SEC24B: variants seen among roughly 807,000 people sequenced by gnomAD.
The protein encoded by SEC24B is SEC24 homolog B, COPII component, also known as protein transport protein Sec24B.
In SEC24B, 45 loss-of-function variants were observed where a neutral mutation model predicts 142.8. The observed-to-expected ratio is 0.32, with a 90% CI of 0.25 to 0.40. SEC24B has a LOEUF of 0.40. SEC24B is among the 10% of genes least tolerant of loss of function. The pLI, the probability that SEC24B is intolerant of heterozygous loss-of-function variation, is 1.00. For missense variants in SEC24B, 1,409 were observed against 1,526.8 expected (o/e 0.92, Z 1.29); for synonymous variants, 574 against 568.2 (o/e 1.01, Z -0.15).
chr4:109,479,898 C>T (rs548602670), intron 3 of SEC24B, among the ~76,000 whole-genome samples: 4 of 148,414 alleles, frequency 2.7e-5, no homozygotes, highest in Non-Finnish European at 4.5e-5. Flanking sequence ...CTCAAATATT[C>T]GTTTTAATTG....
intron 6 of SEC24B, among the ~76,000 whole-genome samples, chr4:109,497,873 G>A (rs921129031): frequency 2.0e-5 from 3 of 152,206 alleles, no homozygotes; most frequent in Non-Finnish European, 4.4e-5. Flanking sequence ...AAGCTAGACA[G>A]TTTGCCACAG....
At chr4:109,521,363 A>C in intron 13 of SEC24B, 57 bp from the exon 14 acceptor site, 1 of 1,445,840 alleles carries the variant, frequency 6.9e-7, no homozygotes, top group Non-Finnish European at 9.7e-7. Flanking sequence ...AATGTTTTAA[A>C]ATAAGATTAT....
chr4:109,515,934 G>C (rs1722812799), intron 10 of SEC24B, among the ~76,000 whole-genome samples: 1 of 150,544 alleles, frequency 6.6e-6, no homozygotes, highest in Non-Finnish European at 1.5e-5. Context: ...TGTAGTCCCA[G>C]CTACTCAGGA....
chr4:109,452,720 A>G (rs1158100081), intron 1 of SEC24B, among the ~76,000 whole-genome samples: 1 of 152,060 alleles, frequency 6.6e-6, no homozygotes, highest in East Asian at 1.9e-4. Context: ...TGTTTTACCA[A>G]TTTTTGGTTG....
At chr4:109,443,549 T>G (rs1438156160) in intron 1 of SEC24B, among the ~76,000 whole-genome samples, 1 of 152,140 alleles carries the variant, frequency 6.6e-6, no homozygotes, top group Non-Finnish European at 1.5e-5. Flanking sequence ...GCCTATAAAT[T>G]TAATTTACAA....
At chr4:109,486,430 T>C (rs1173270779) in intron 4 of SEC24B, among the ~76,000 whole-genome samples, 6 of 152,218 alleles carry the variant, frequency 3.9e-5, no homozygotes, top group Admixed American at 2.0e-4. Context: ...TTTTAAAGGC[T>C]TAATTGCTTT....
At chr4:109,462,851 T>A (rs747889086) in intron 1 of SEC24B, 50 bp from the exon 2 acceptor site, 5 of 1,398,156 alleles carry the variant, frequency 3.6e-6, no homozygotes, top group African/African-American at 2.9e-5. Context: ...GGGCTATTTT[T>A]AAAAATTAGT....
chr4:109,528,878 A>G (rs1724574162), intron 18 of SEC24B, among the ~76,000 whole-genome samples: 2 of 152,182 alleles, frequency 1.3e-5, no homozygotes, highest in Non-Finnish European at 2.9e-5. Flanking sequence ...GAAGCATTTA[A>G]TCAGTCCTGG....
intron 6 of SEC24B, among the ~76,000 whole-genome samples, chr4:109,497,762 T>C (rs1735679711): frequency 6.6e-6 from 1 of 152,228 alleles, no homozygotes; most frequent in Admixed American, 6.5e-5. Context: ...TTATGAATGA[T>C]GCTATTGTGA....
chr4:109,506,580 A>G, intron 7 of SEC24B, 68 bp downstream of exon 7: 1 of 1,089,084 alleles, frequency 9.2e-7, no homozygotes, highest in South Asian at 2.3e-5. Context: ...CAAAAATAGT[A>G]AAAGTAGTAT....
At chr4:109,525,619 G>A (rs1038260142) in intron 16 of SEC24B, 115 bp downstream of exon 16, 37 of 605,276 alleles carry the variant, frequency 6.1e-5, no homozygotes, top group Non-Finnish European at 8.7e-5. Context: ...GATCTCATTA[G>A]CTATACCATG....
intron 1 of SEC24B, among the ~76,000 whole-genome samples, chr4:109,442,459 G>A (rs1032105367): frequency 1.3e-5 from 2 of 152,174 alleles, no homozygotes; most frequent in African/African-American, 2.4e-5. Context: ...GTAATTGAGT[G>A]ATGAATGAAT....
chr4:109,457,124 CAA>C (rs1467680752), intron 1 of SEC24B, among the ~76,000 whole-genome samples: 3 of 152,146 alleles, frequency 2.0e-5, no homozygotes, highest in African/African-American at 4.8e-5. Flanking sequence ...GGATTTTCCC[CAA>C]AGAGTTTCTG....
chr4:109,479,232 G>A (rs74713151), intron 3 of SEC24B, among the ~76,000 whole-genome samples: 2,382 of 152,202 alleles, frequency 0.016, 67 homozygotes, highest in African/African-American at 0.054. Flanking sequence ...ATGTTTCTTG[G>A]TTGAGTAGAT....
At chr4:109,489,689 GATA>G (rs1328053264) in intron 4 of SEC24B, among the ~76,000 whole-genome samples, 1 of 131,614 alleles carries the variant, frequency 7.6e-6, no homozygotes, top group Non-Finnish European at 1.6e-5. Flanking sequence ...ATATACATAT[GATA>G]ATATATATGG....
chr4:109,457,440 C>T (rs1730796753), intron 1 of SEC24B, among the ~76,000 whole-genome samples: 1 of 152,202 alleles, frequency 6.6e-6, no homozygotes, highest in Admixed American at 6.5e-5. Context: ...TGGCTAGGGC[C>T]TTCTTGCTGT....
At chr4:109,485,577 C>T (rs1205357461) in intron 4 of SEC24B, among the ~76,000 whole-genome samples, 1 of 152,002 alleles carries the variant, frequency 6.6e-6, no homozygotes, top group African/African-American at 2.4e-5. Context: ...TCTTAGTGTT[C>T]TCTATTAATG....
intron 1 of SEC24B, among the ~76,000 whole-genome samples, chr4:109,456,322 C>A (rs1450722286): frequency 1.5e-5 from 2 of 133,682 alleles, no homozygotes; most frequent in Non-Finnish European, 3.2e-5. Context: ...CAAATAAAGA[C>A]AGGTTTTTTT....
intron 1 of SEC24B, among the ~76,000 whole-genome samples, 194 bp downstream of exon 1, chr4:109,434,196 C>T (rs1234026952): frequency 5.3e-5 from 5 of 94,610 alleles, no homozygotes; most frequent in South Asian, 3.8e-4. Flanking sequence ...AGGCACGGCG[C>T]GGGGCGCGCG....
Sources: gnomAD v4.1 joint callset for allele counts (sites outside exome capture counted in the v4.1 genomes callset) on GRCh38, gnomAD v4.1.1 for gene constraint, MANE v1.5 for transcripts, NCBI Gene and HGNC (gene_info 2026-07-23, HGNC 2026-07-21) for gene names.